GHR: variants seen among roughly 807,000 people sequenced by gnomAD.
GHR encodes growth hormone receptor.
A neutral mutation model predicts 67.1 loss-of-function variants in GHR; 35 were observed. That is an observed-to-expected ratio of 0.52 (90% CI 0.40 to 0.69). GHR has a LOEUF of 0.69. GHR is among the 30% of genes least tolerant of loss of function. The pLI is 0.00. For missense variants in GHR, 792 were observed against 764.6 expected (o/e 1.04, Z -0.42); for synonymous variants, 272 against 269.1 (o/e 1.01, Z -0.10).
intron 1 of GHR, among the ~76,000 whole-genome samples, chr5:42,548,827 T>G (rs186327727): frequency 6.6e-6 from 1 of 152,356 alleles, no homozygotes; most frequent in South Asian, 2.1e-4. Flanking sequence ...TTCCTCCTTG[T>G]CTGGTCACCA....
chr5:42,481,557 T>A (rs1489370154), intron 1 of GHR, among the ~76,000 whole-genome samples: 1 of 152,212 alleles, frequency 6.6e-6, no homozygotes, highest in Non-Finnish European at 1.5e-5. Flanking sequence ...TTTCACATAG[T>A]CCCATATTTC....
chr5:42,629,358 T>C (rs1163228114), intron 3 of GHR, among the ~76,000 whole-genome samples: 2 of 131,762 alleles, frequency 1.5e-5, no homozygotes, highest in Admixed American at 1.5e-4. Flanking sequence ...GTTTGGGTCA[T>C]GTGGGCAGAT....
At chr5:42,582,011 G>A (rs768383131) in intron 2 of GHR, among the ~76,000 whole-genome samples, 20 of 152,374 alleles carry the variant, frequency 1.3e-4, no homozygotes, top group Admixed American at 1.3e-4. Context: ...CTGGTCAGGT[G>A]TGCACACACT....
intron 1 of GHR, among the ~76,000 whole-genome samples, chr5:42,459,693 G>T (rs974932349): frequency 8.5e-5 from 13 of 152,050 alleles, no homozygotes; most frequent in African/African-American, 2.9e-4. Context: ...ATTAATGAGC[G>T]TGATACCAGA....
chr5:42,480,495 T>G (rs1486780190), intron 1 of GHR, among the ~76,000 whole-genome samples: 1 of 152,198 alleles, frequency 6.6e-6, no homozygotes, highest in Non-Finnish European at 1.5e-5. Flanking sequence ...GGTGTTAAAG[T>G]CTCCCATTAT....
intron 1 of GHR, among the ~76,000 whole-genome samples, chr5:42,485,369 T>C (rs1474637576): frequency 6.6e-6 from 1 of 152,254 alleles, no homozygotes; most frequent in South Asian, 2.1e-4. Context: ...CTCACTGCTC[T>C]CTAAGCATTA....
chr5:42,603,399 G>A (rs762798530), intron 2 of GHR, among the ~76,000 whole-genome samples: 2 of 151,892 alleles, frequency 1.3e-5, no homozygotes, highest in African/African-American at 2.4e-5. Flanking sequence ...TTTTCTTCCC[G>A]GGACTGGAAA....
intron 1 of GHR, among the ~76,000 whole-genome samples, chr5:42,464,147 C>G (rs956274800): frequency 1.1e-4 from 17 of 148,880 alleles, no homozygotes; most frequent in Non-Finnish European, 2.1e-4. Context: ...ATTTAGTTTG[C>G]TTTCATTATC....
intron 7 of GHR, among the ~76,000 whole-genome samples, chr5:42,712,623 T>C (rs1259436820): frequency 6.6e-6 from 1 of 152,062 alleles, no homozygotes; most frequent in Non-Finnish European, 1.5e-5. Context: ...ATGGCAATGT[T>C]AAGGTAAATT....
intron 3 of GHR, among the ~76,000 whole-genome samples, chr5:42,677,829 A>G (rs766458089): frequency 1.5e-4 from 23 of 152,168 alleles, no homozygotes; most frequent in Non-Finnish European, 2.8e-4. Context: ...GGACACCTAT[A>G]CTTTGGATGT....
intron 1 of GHR, among the ~76,000 whole-genome samples, chr5:42,477,868 G>A (rs1286225936): frequency 6.6e-6 from 1 of 152,168 alleles, no homozygotes; most frequent in Non-Finnish European, 1.5e-5. Flanking sequence ...CTTTTGCTGT[G>A]CAGAAGCTCT....
At chr5:42,668,081 T>C (rs1168974348) in intron 3 of GHR, among the ~76,000 whole-genome samples, 1 of 152,190 alleles carries the variant, frequency 6.6e-6, no homozygotes, top group Non-Finnish European at 1.5e-5. Context: ...TCACTGCACC[T>C]AAAGAGTGCC....
chr5:42,518,265 A>G (rs978666727), intron 1 of GHR, among the ~76,000 whole-genome samples: 3 of 151,932 alleles, frequency 2.0e-5, no homozygotes, highest in Non-Finnish European at 2.9e-5. Flanking sequence ...AAATTACATT[A>G]ATTTCATAAC....
chr5:42,494,247 C>T lies in GHR; in HGVS notation c.-12+70292C>T, dbSNP rs375740149. Among the ~76,000 whole-genome samples the T allele has an allele frequency of 2.1e-4, 32 of 152,128 alleles. 2 individuals are homozygous for T. The highest frequency in any genetic ancestry group is 6.7e-4 in the African/African-American group (28 of 41,504). ...AACACTTCCCTTCCTGTTGGGCCAT[C>T]GGCAACCATATCCTGGCTAATTAGA... On this transcript the variant is annotated intron_variant, in intron 1 of 9. Coordinates refer to ENST00000230882, the MANE Select transcript of GHR (RefSeq NM_000163.5).
intron 3 of GHR, among the ~76,000 whole-genome samples, chr5:42,653,581 G>A (rs554958627): frequency 6.6e-6 from 1 of 152,198 alleles, no homozygotes; most frequent in Admixed American, 6.5e-5. Context: ...CTTAATTTCT[G>A]TCCTAAGACC....
intron 2 of GHR, among the ~76,000 whole-genome samples, chr5:42,579,533 AG>A (rs890114315): frequency 3.3e-5 from 5 of 152,326 alleles, no homozygotes; most frequent in Non-Finnish European, 4.4e-5. Context: ...TCACCCTTAA[AG>A]CCTGTCACTC....
chr5:42,711,727 A>G (rs953777011), intron 7 of GHR, among the ~76,000 whole-genome samples: 1 of 152,154 alleles, frequency 6.6e-6, no homozygotes, highest in Non-Finnish European at 1.5e-5. Flanking sequence ...TAATCAGGAA[A>G]AAAAGCTGTA....
At chr5:42,579,195 G>A (rs1028914132) in intron 2 of GHR, among the ~76,000 whole-genome samples, 1 of 151,250 alleles carries the variant, frequency 6.6e-6, no homozygotes, top group Non-Finnish European at 1.5e-5. Flanking sequence ...TAGATAGATA[G>A]ATAGACAGAT....
intron 3 of GHR, among the ~76,000 whole-genome samples, chr5:42,632,243 G>A (rs936636645): frequency 1.3e-5 from 2 of 151,934 alleles, no homozygotes; most frequent in Non-Finnish European, 2.9e-5. Flanking sequence ...TCATGTCATC[G>A]AATCTATCTT....
Sources: allele counts gnomAD v4.1 joint callset (sites outside exome capture counted in the v4.1 genomes callset), GRCh38; gene constraint gnomAD v4.1.1; transcripts MANE v1.5; gene names NCBI Gene and HGNC (gene_info 2026-07-23, HGNC 2026-07-21).